The following DSCAM variants were observed in gnomAD, a reference collection of about 807,000 sequenced individuals.
DSCAM encodes the protein cell adhesion molecule DSCAM.
In DSCAM, 47 loss-of-function variants were observed where a neutral mutation model predicts 217.7. That is an observed-to-expected ratio of 0.22 (90% CI 0.17 to 0.28). DSCAM has a LOEUF of 0.28. Among genes scored for constraint, DSCAM ranks in the 10% least tolerant of loss-of-function variants. The pLI, the probability that DSCAM is intolerant of heterozygous loss-of-function variation, is 1.00. For missense variants in DSCAM, 2,080 were observed against 2,618.3 expected, an observed-to-expected ratio of 0.79 and a Z score of 4.49; for synonymous variants, 1,056 against 1,015.3, an observed-to-expected ratio of 1.04 and a Z score of -0.76.
rs535960526 is a variant in DSCAM, at chr21:40,659,833, A to G, written c.508+32977T>C. On this transcript the variant is annotated intron_variant, in intron 3 of 32. Transcript: ENST00000400454. ...GCAACATTTAAAGCTAAAGCCAACG[A>G]TAGAAACCATAATTAATAATATTTT... Among the ~76,000 whole-genome samples, 25 of 152,378 alleles carry G rather than the reference A, an allele frequency of 1.6e-4. No homozygotes were observed. In the South Asian group the frequency reaches 1.9e-3, roughly 11 times the overall value.
chr21:40,142,507 C>T lies in DSCAM; in HGVS notation c.3406+51G>A, dbSNP rs771488239. 9 of 1,602,832 alleles carry T rather than the reference C, an allele frequency of 5.6e-6. 1 individual carries two copies. The African/African-American group carries it at 1.1e-4, about 19-fold the overall frequency. ...GGAACTAGGAGGGGTCTGCAAATTCCATCATGCATTCTCTGGAGGCAAACC... is the reference window on the plus strand; with the variant it reads ...GGAACTAGGAGGGGTCTGCAAATTCTATCATGCATTCTCTGGAGGCAAACC... On this transcript the variant is annotated intron_variant, in intron 18 of 32. Transcript: ENST00000400454.
intron 6 of DSCAM, among the ~76,000 whole-genome samples, chr21:40,344,013 C>A (rs2074530378): frequency 6.6e-6 from 1 of 152,010 alleles, no homozygotes; most frequent in Non-Finnish European, 1.5e-5. Flanking sequence ...AAGCTGTTCT[C>A]CTGCCTCTGC....
In DSCAM at chr21:40,057,873, C is replaced by CTTTTTTTTT. The variant is rs71186913; in HGVS notation, c.4920-2042_4920-2034dup. 1.9e-4 allele frequency among the ~76,000 whole-genome samples: 20 copies of CTTTTTTTTT among 107,206 alleles called. 1 individual carries two copies. Among genetic ancestry groups the CTTTTTTTTT allele is most frequent in the South Asian group, 3.5e-4 (1 of 2,852 alleles). 70.3% of individuals were successfully genotyped at this position (107,206 alleles called of 152,430 possible). On this transcript the variant is annotated intron_variant, in intron 28 of 32. Coordinates refer to ENST00000400454, the MANE Select transcript of DSCAM (RefSeq NM_001389.5). The stretch of plus-strand genomic sequence containing the variant: ...TGATGCAATCACAGTTCACTGCAGT[C>CTTTTTTTTT]TTTTTTTTTTTTTTTTTTTTGAGAT...
chr21:40,735,451 T>G (rs2091053770), intron 1 of DSCAM, among the ~76,000 whole-genome samples: 1 of 152,230 alleles, frequency 6.6e-6, no homozygotes, highest in African/African-American at 2.4e-5. Context: ...AAGTTGGCTA[T>G]AGGTGTCAAG....
At chr21:40,309,810 A>G (rs552740480) in intron 9 of DSCAM, among the ~76,000 whole-genome samples, 2 of 152,254 alleles carry the variant, frequency 1.3e-5, no homozygotes, top group East Asian at 3.9e-4. Flanking sequence ...AGGCATTTTT[A>G]TCTTGTCTGA....
At chr21:40,635,788 C>A (rs919233741) in intron 3 of DSCAM, among the ~76,000 whole-genome samples, 1 of 152,186 alleles carries the variant, frequency 6.6e-6, no homozygotes, top group Non-Finnish European at 1.5e-5. Flanking sequence ...AACTTCAATT[C>A]ATTTAGAGCC....
At chr21:40,616,087 G>A (rs1230605466) in intron 3 of DSCAM, among the ~76,000 whole-genome samples, 1 of 151,956 alleles carries the variant, frequency 6.6e-6, no homozygotes, top group Non-Finnish European at 1.5e-5. Flanking sequence ...GTCAGCTCCT[G>A]TTCTTGGTTG....
chr21:40,314,255 T>A (rs2074172090), intron 8 of DSCAM, among the ~76,000 whole-genome samples: 1 of 152,206 alleles, frequency 6.6e-6, no homozygotes, highest in Non-Finnish European at 1.5e-5. Context: ...AACTCAAAAT[T>A]GCAAGTACAG....
intron 16 of DSCAM, among the ~76,000 whole-genome samples, chr21:40,154,644 G>A (rs1172736327): frequency 1.3e-5 from 2 of 152,146 alleles, no homozygotes; most frequent in African/African-American, 2.4e-5. Flanking sequence ...ATGGGTAGAT[G>A]TATGGCCACG....
intron 18 of DSCAM, among the ~76,000 whole-genome samples, chr21:40,134,731 T>C (rs2090189506): frequency 6.6e-6 from 1 of 152,204 alleles, no homozygotes; most frequent in Non-Finnish European, 1.5e-5. Flanking sequence ...ATTGGATACA[T>C]ACATCAAAAC....
intron 14 of DSCAM, among the ~76,000 whole-genome samples, chr21:40,185,085 A>G (rs1312028429): frequency 6.6e-6 from 1 of 152,224 alleles, no homozygotes; most frequent in African/African-American, 2.4e-5. Context: ...GGAGCCCCCA[A>G]GGAGCCTCTA....
chr21:40,804,207 G>A (rs1362387042), intron 1 of DSCAM, among the ~76,000 whole-genome samples: 1 of 152,136 alleles, frequency 6.6e-6, no homozygotes, highest in Non-Finnish European at 1.5e-5. Flanking sequence ...ATGTGGATGT[G>A]GCCTTGCTGA....
At chr21:40,119,915 C>G (rs1189473410) in intron 20 of DSCAM, among the ~76,000 whole-genome samples, 2 of 152,002 alleles carry the variant, frequency 1.3e-5, no homozygotes, top group Non-Finnish European at 2.9e-5. Context: ...CTTTTCCACT[C>G]CTTGAGATTC....
chr21:40,143,763 C>T (rs1439685496), intron 17 of DSCAM, among the ~76,000 whole-genome samples: 3 of 152,130 alleles, frequency 2.0e-5, no homozygotes, highest in Admixed American at 6.5e-5. Flanking sequence ...TGCACTCCAG[C>T]CTGGGAGAGA....
intron 3 of DSCAM, among the ~76,000 whole-genome samples, chr21:40,473,495 G>C (rs892389104): frequency 7.9e-5 from 12 of 152,196 alleles, no homozygotes; most frequent in Admixed American, 6.5e-4. Context: ...TAATAGCCTG[G>C]TGTTAACACC....
At chr21:40,428,733 G>C (rs35067542) in intron 3 of DSCAM, among the ~76,000 whole-genome samples, 5,174 of 152,166 alleles carry the variant, frequency 0.034, 126 homozygotes, top group Non-Finnish European at 0.051. Flanking sequence ...TCGTGGGGCT[G>C]TGTGTTTCAG....
At chr21:40,698,673 C>G (rs527475464) in intron 2 of DSCAM, among the ~76,000 whole-genome samples, 69 of 152,122 alleles carry the variant, frequency 4.5e-4, no homozygotes, top group African/African-American at 1.3e-3. Flanking sequence ...AGTTCAAGAC[C>G]AGCCTGGCCA....
At chr21:40,031,257 T>G (rs4818110) in intron 32 of DSCAM, among the ~76,000 whole-genome samples, 107,560 of 151,938 alleles carry the variant, frequency 0.71, 38,241 homozygotes, top group African/African-American at 0.74. Flanking sequence ...TAGAGGCCTC[T>G]TTGTCCCTGC....
At chr21:40,075,295 C>A in intron 26 of DSCAM, 82 bp from the exon 27 acceptor site, 1 of 1,480,288 alleles carries the variant, frequency 6.8e-7, no homozygotes, top group East Asian at 2.3e-5. Context: ...TTATAAAAAT[C>A]GCGCTGTGTG....
Sources: allele counts gnomAD v4.1 joint callset (sites outside exome capture counted in the v4.1 genomes callset), GRCh38; gene constraint gnomAD v4.1.1; transcripts MANE v1.5; gene names NCBI Gene and HGNC (gene_info 2026-07-23, HGNC 2026-07-21).